Variants in ZNRF1 observed in about 807,000 individuals in gnomAD.
ZNRF1 encodes the protein E3 ubiquitin-protein ligase ZNRF1.
ZNRF1 carries 3 observed loss-of-function variants against 18.4 expected under a neutral mutation model. The observed-to-expected ratio is 0.16, with a 90% confidence interval of 0.07 to 0.42. The LOEUF (loss-of-function observed/expected upper bound fraction) is 0.42, where lower values mean the gene tolerates loss of function less well. Among genes scored for constraint, ZNRF1 ranks in the 10% least tolerant of loss-of-function variants. ZNRF1 has a pLI of 0.99. For missense variants in ZNRF1, 310 were observed against 329.8 expected (o/e 0.94, Z 0.47); for synonymous variants, 157 against 144.2 (o/e 1.09, Z -0.64).
chr16:75,095,066 G>C (rs529192709), intron 2 of ZNRF1: 1 of 152,534 alleles, frequency 6.6e-6, no homozygotes, highest in Non-Finnish European at 1.5e-5. Context: ...TGGTCTCAGA[G>C]CATTTCCTGG....
intron 1 of ZNRF1, among the ~76,000 whole-genome samples, chr16:75,002,970 T>G (rs1419395306): frequency 6.6e-6 from 1 of 152,228 alleles, no homozygotes; most frequent in Non-Finnish European, 1.5e-5. Context: ...TTCTTTTTTT[T>G]GAGACAGAGT....
intron 1 of ZNRF1, among the ~76,000 whole-genome samples, chr16:75,039,497 A>G (rs1012997936): frequency 6.6e-6 from 1 of 152,312 alleles, no homozygotes; most frequent in Admixed American, 6.5e-5. Flanking sequence ...GGTATACGAG[A>G]GTGTTGTAGC....
intron 1 of ZNRF1, among the ~76,000 whole-genome samples, chr16:75,050,899 C>A (rs75118404): frequency 0.7 from 28,704 of 40,902 alleles, 11,095 homozygotes; most frequent in East Asian, 0.9. Flanking sequence ...CAAAAAAAAA[C>A]AAAAAACTTG....
intron 1 of ZNRF1, among the ~76,000 whole-genome samples, chr16:75,036,647 C>T (rs370774927): frequency 5.3e-5 from 8 of 150,616 alleles, no homozygotes; most frequent in African/African-American, 1.5e-4. Flanking sequence ...GGGTGGACAA[C>T]CTGTCTAAAT....
chr16:75,007,543 C>T (rs1356716834), intron 1 of ZNRF1, among the ~76,000 whole-genome samples: 1 of 152,078 alleles, frequency 6.6e-6, no homozygotes, highest in African/African-American at 2.4e-5. Context: ...TTTATAGTGA[C>T]CTCTTGGATC....
At chr16:75,054,630 C>T (rs1224478834) in intron 1 of ZNRF1, among the ~76,000 whole-genome samples, 1 of 152,236 alleles carries the variant, frequency 6.6e-6, no homozygotes, top group African/African-American at 2.4e-5. Flanking sequence ...TTAGCCTAAG[C>T]AGCAATTTAA....
chr16:75,034,286 A>T (rs767242274), intron 1 of ZNRF1, among the ~76,000 whole-genome samples: 5 of 152,334 alleles, frequency 3.3e-5, no homozygotes, highest in African/African-American at 1.2e-4. Flanking sequence ...CTCTGTACCC[A>T]TTAAACAACT....
intron 1 of ZNRF1, among the ~76,000 whole-genome samples, chr16:75,091,745 T>C (rs2036142354): frequency 6.6e-6 from 1 of 151,758 alleles, no homozygotes; most frequent in Non-Finnish European, 1.5e-5. Flanking sequence ...CCATGTTGCC[T>C]AGGCTGGTCT....
chr16:75,006,327 C>T (rs2034916390), intron 1 of ZNRF1, among the ~76,000 whole-genome samples: 1 of 152,214 alleles, frequency 6.6e-6, no homozygotes, highest in South Asian at 2.1e-4. Flanking sequence ...TCTGCTCCTA[C>T]TCATCCTTAG....
chr16:75,027,909 C>T (rs1444858035), intron 1 of ZNRF1, among the ~76,000 whole-genome samples: 1 of 152,180 alleles, frequency 6.6e-6, no homozygotes, highest in Non-Finnish European at 1.5e-5. Context: ...CATACTTTCT[C>T]CTCTCTTTTA....
At chr16:75,001,474 C>T (rs1439128698) in intron 1 of ZNRF1, among the ~76,000 whole-genome samples, 2 of 152,190 alleles carry the variant, frequency 1.3e-5, no homozygotes, top group East Asian at 1.9e-4. Flanking sequence ...GCTTTTCTGA[C>T]CTCATGGAAC....
chr16:75,053,707 C>CT, intron 1 of ZNRF1, among the ~76,000 whole-genome samples: 1 of 152,120 alleles, frequency 6.6e-6, no homozygotes, highest in Non-Finnish European at 1.5e-5. Flanking sequence ...ACACATCCAC[C>CT]TATTAAATAA....
At chr16:75,008,341 C>G (rs1466167114) in intron 1 of ZNRF1, among the ~76,000 whole-genome samples, 1 of 152,196 alleles carries the variant, frequency 6.6e-6, no homozygotes, top group Non-Finnish European at 1.5e-5. Context: ...CTGCCTTGGT[C>G]TGAGAATTGA....
At chr16:75,051,197 C>T (rs1217748621) in intron 1 of ZNRF1, among the ~76,000 whole-genome samples, 2 of 151,936 alleles carry the variant, frequency 1.3e-5, no homozygotes, top group Non-Finnish European at 2.9e-5. Context: ...CTACTACCCA[C>T]CTCCAAATAC....
intron 2 of ZNRF1, chr16:75,095,457 C>T (rs998112629): frequency 2.4e-6 from 2 of 823,110 alleles, no homozygotes; most frequent in Non-Finnish European, 3.5e-6. Flanking sequence ...GAGGAGCCTT[C>T]CCTGCGTCTC....
intron 1 of ZNRF1, among the ~76,000 whole-genome samples, chr16:75,059,229 C>CTTTTTTTTTTTTTCTTTTT (rs2035708911): frequency 1.1e-5 from 1 of 92,878 alleles, no homozygotes; most frequent in Non-Finnish European, 2.1e-5. Flanking sequence ...TTCTTTCTTT[C>CTTTTTTTTTTTTTCTTTTT]TTTTTTTTTT....
intron 1 of ZNRF1, among the ~76,000 whole-genome samples, chr16:75,054,902 A>G (rs2035649143): frequency 6.6e-6 from 1 of 152,236 alleles, no homozygotes. Context: ...AAGTCCAAAC[A>G]GGAGGATCTG....
At position 75,017,432 on chromosome 16, in the gene ZNRF1, T is replaced by C. The variant is rs560396845; in HGVS notation, c.424+17337T>C. Among the ~76,000 whole-genome samples the C allele has an allele frequency of 3.0e-4, 45 of 152,342 alleles. 1 individual carries two copies. The highest frequency in any genetic ancestry group is 2.6e-3 in the Admixed American group (40 of 15,306). On this transcript the variant is annotated intron_variant, in intron 1 of 4. Transcript: ENST00000335325. ...ACTTACAGAAAAGTTGCAGAACTTA[T>C]ACAAATAAATATTACATATCCATCT...
At chr16:75,007,984 C>T (rs1333169733) in intron 1 of ZNRF1, among the ~76,000 whole-genome samples, 3 of 152,134 alleles carry the variant, frequency 2.0e-5, no homozygotes, top group South Asian at 2.1e-4. Context: ...CAAGCCTTAG[C>T]CTCTGGAGTA....
Sources: allele counts gnomAD v4.1 joint callset (sites outside exome capture counted in the v4.1 genomes callset), GRCh38; gene constraint gnomAD v4.1.1; transcripts MANE v1.5; gene names NCBI Gene and HGNC (gene_info 2026-07-23, HGNC 2026-07-21).